PDE4D: variants seen among roughly 807,000 people sequenced by gnomAD.
PDE4D encodes the protein phosphodiesterase 4D.
Under a neutral mutation model 87.4 loss-of-function variants are expected in PDE4D, and 24 were observed. That is an observed-to-expected ratio of 0.27 (90% CI 0.20 to 0.39). PDE4D has a LOEUF of 0.39. PDE4D is among the 10% of genes least tolerant of loss of function. The probability of loss-of-function intolerance (pLI) is 1.00; values close to 1 mark genes in which losing one functional copy is unlikely to be tolerated. For synonymous variants in PDE4D, 384 were observed against 383.2 expected, an observed-to-expected ratio of 1.00 and a Z score of -0.02; for missense variants, 714 against 1,041.0, an observed-to-expected ratio of 0.69 and a Z score of 4.32.
At chr5:60,150,602 C>T (rs899533320) in intron 2 of PDE4D, among the ~76,000 whole-genome samples, 3 of 152,058 alleles carry the variant, frequency 2.0e-5, no homozygotes, top group Non-Finnish European at 4.4e-5. Flanking sequence ...GGTAAATAGC[C>T]ATTTCTGTTC....
intron 5 of PDE4D, among the ~76,000 whole-genome samples, chr5:59,064,816 C>T (rs1386125105): frequency 1.3e-5 from 2 of 152,038 alleles, no homozygotes; most frequent in African/African-American, 4.8e-5. Flanking sequence ...CCCCACCATT[C>T]CAACAAATAG....
chr5:59,658,823 CGT>C (rs141771220), intron 1 of PDE4D, among the ~76,000 whole-genome samples: 9 of 150,416 alleles, frequency 6.0e-5, no homozygotes, highest in East Asian at 1.9e-4. Flanking sequence ...TGTGAGTGTT[CGT>C]GTGTGTGTGT....
intron 2 of PDE4D, among the ~76,000 whole-genome samples, chr5:60,036,264 A>C (rs1355169861): frequency 2.6e-5 from 4 of 152,206 alleles, no homozygotes; most frequent in African/African-American, 9.6e-5. Context: ...AATGTCCTAA[A>C]GCTCATGCAG....
intron 5 of PDE4D, among the ~76,000 whole-genome samples, chr5:59,180,131 T>G (rs1346112740): frequency 6.6e-6 from 1 of 152,222 alleles, no homozygotes; most frequent in Non-Finnish European, 1.5e-5. Flanking sequence ...GCTCTCTCAG[T>G]CCTTTATTGG....
At chr5:59,848,544 G>C (rs577136503) in intron 1 of PDE4D, among the ~76,000 whole-genome samples, 1 of 151,622 alleles carries the variant, frequency 6.6e-6, no homozygotes, top group African/African-American at 2.4e-5. Flanking sequence ...TTTCTAATGC[G>C]ATTAAATGCA....
Position 59,056,172 on chromosome 5 carries a change from G to A in PDE4D, c.809-17201C>T, listed in dbSNP as rs555924997. Among the ~76,000 whole-genome samples the A allele has an allele frequency of 2.8e-4, 42 of 152,270 alleles. 1 individual carries two copies. In the South Asian group the frequency reaches 8.3e-3, roughly 30 times the overall value. On this transcript the variant is annotated intron_variant, in intron 5 of 14. Transcript: ENST00000340635. Reference sequence around the variant, plus strand: ...GAATAGCGTGTGAACCACAGAAGGAGTGGATCTGGTGGCTCAGACACGGCA... The same window carrying A: ...GAATAGCGTGTGAACCACAGAAGGAATGGATCTGGTGGCTCAGACACGGCA...
At chr5:59,467,290 C>CA (rs1396230192) in intron 1 of PDE4D, among the ~76,000 whole-genome samples, 3 of 152,094 alleles carry the variant, frequency 2.0e-5, no homozygotes, top group Admixed American at 6.5e-5. Context: ...AGGAATAAAC[C>CA]AGTCTGTGTT....
At chr5:59,978,247 A>C (rs1235510357) in intron 3 of PDE4D, among the ~76,000 whole-genome samples, 1 of 152,186 alleles carries the variant, frequency 6.6e-6, no homozygotes, top group Non-Finnish European at 1.5e-5. Flanking sequence ...GGGCAAAGTA[A>C]GTCGAAAACT....
intron 1 of PDE4D, among the ~76,000 whole-genome samples, chr5:60,328,616 G>C (rs1030760097): frequency 1.3e-5 from 2 of 152,100 alleles, no homozygotes; most frequent in African/African-American, 2.4e-5. Context: ...AAATAATGCT[G>C]GTATAAAGAT....
At chr5:59,173,194 C>T (rs1191516595) in intron 5 of PDE4D, among the ~76,000 whole-genome samples, 3 of 152,082 alleles carry the variant, frequency 2.0e-5, no homozygotes, top group African/African-American at 7.2e-5. Context: ...AAGAGAGACA[C>T]AATTAAATTA....
chr5:59,584,987 C>T (rs1824859966), intron 1 of PDE4D, among the ~76,000 whole-genome samples: 1 of 152,092 alleles, frequency 6.6e-6, no homozygotes, highest in Non-Finnish European at 1.5e-5. Context: ...TTGCTGATGC[C>T]TGACCCTCAC....
At chr5:59,791,024 C>T (rs541658597) in intron 1 of PDE4D, among the ~76,000 whole-genome samples, 9 of 152,254 alleles carry the variant, frequency 5.9e-5, no homozygotes, top group East Asian at 1.9e-4. Context: ...AAAGAGAATG[C>T]GCCTTGTCCC....
At chr5:59,194,236 G>C (rs999003921) in intron 2 of PDE4D, among the ~76,000 whole-genome samples, 1 of 152,216 alleles carries the variant, frequency 6.6e-6, no homozygotes, top group Non-Finnish European at 1.5e-5. Flanking sequence ...AGGAAAGTGA[G>C]AAACTGGGGC....
At chr5:59,370,834 A>G (rs1455968473) in intron 1 of PDE4D, among the ~76,000 whole-genome samples, 1 of 152,210 alleles carries the variant, frequency 6.6e-6, no homozygotes, top group Non-Finnish European at 1.5e-5. Context: ...ATACTTATTA[A>G]ACACTTAAAC....
intron 1 of PDE4D, among the ~76,000 whole-genome samples, chr5:59,507,257 T>C (rs1309045608): frequency 6.6e-6 from 1 of 150,648 alleles, no homozygotes; most frequent in Non-Finnish European, 1.5e-5. Flanking sequence ...GCTTGAACCC[T>C]GGAGGCAGAG....
At chr5:59,262,234 C>G (rs1762122634) in intron 1 of PDE4D, among the ~76,000 whole-genome samples, 1 of 151,870 alleles carries the variant, frequency 6.6e-6, no homozygotes, top group East Asian at 1.9e-4. Flanking sequence ...TGTGGCAGAA[C>G]AAGCTTAATA....
At chr5:60,183,530 G>A (rs999476395) in intron 2 of PDE4D, among the ~76,000 whole-genome samples, 6 of 152,174 alleles carry the variant, frequency 3.9e-5, no homozygotes, top group African/African-American at 9.7e-5. Context: ...TAAGGTGATC[G>A]TTTAAGGATG....
intron 1 of PDE4D, among the ~76,000 whole-genome samples, chr5:60,498,559 AT>A (rs148982612): frequency 7.9e-4 from 121 of 152,322 alleles, no homozygotes; most frequent in Non-Finnish European, 1.3e-3. Context: ...AAGGTTGGAC[AT>A]GGATCTGACT....
chr5:59,668,907 AAGAAGAAGAAG>A lies in PDE4D; in HGVS notation c.455+224250_455+224260del, dbSNP rs1455843958. ...GAAGAAGAAGAAGAAGAAGAAGAAG[AAGAAGAAGAAG>A]AAGAAAGAAAGAAAGAATTAGTTCA... On this transcript the variant is annotated intron_variant, in intron 1 of 14. Coordinates refer to ENST00000340635, the MANE Select transcript of PDE4D (RefSeq NM_001104631.2). Among the ~76,000 whole-genome samples the A allele has an allele frequency of 2.3e-3, 168 of 72,368 alleles. 2 individuals carry two copies. In the East Asian group the frequency reaches 0.057, roughly 25 times the overall value. The allele number at this position is 72,368 out of a possible 152,430, so 47.5% of individuals were successfully genotyped here.
Sources: gnomAD v4.1 joint callset for allele counts (sites outside exome capture counted in the v4.1 genomes callset) on GRCh38, gnomAD v4.1.1 for gene constraint, MANE v1.5 for transcripts, NCBI Gene and HGNC (gene_info 2026-07-23, HGNC 2026-07-21) for gene names.